The following TMEM132E variants were observed in gnomAD, a reference collection of about 807,000 sequenced individuals.
TMEM132E encodes transmembrane protein 132E.
Under a neutral mutation model 78.5 loss-of-function variants are expected in TMEM132E, and 49 were observed. That is an observed-to-expected ratio of 0.62 (90% CI 0.50 to 0.79). The LOEUF is 0.79. Among genes scored for constraint, TMEM132E ranks in the 30% least tolerant of loss-of-function variants. The probability of loss-of-function intolerance (pLI) is 0.00; values close to 1 mark genes in which losing one functional copy is unlikely to be tolerated. For synonymous variants in TMEM132E, 715 were observed against 670.6 expected (o/e 1.07, Z -1.02); for missense variants, 1,403 against 1,470.9 (o/e 0.95, Z 0.75).
Position 34,626,120 on chromosome 17 carries a change from TC to T in TMEM132E, c.68-3del. 6.6e-7 allele frequency: 1 copy of T among 1,505,420 alleles called. No homozygotes were observed. Among genetic ancestry groups the T allele is most frequent in the Admixed American group, 2.3e-5 (1 of 43,794 alleles). 93.3% of individuals were successfully genotyped at this position (1,505,420 alleles called of 1,614,324 possible). On this transcript the variant is annotated splice_polypyrimidine_tract_variant and splice_region_variant and intron_variant, in intron 1 of 8. Coordinates refer to ENST00000631683, the MANE Select transcript of TMEM132E (RefSeq NM_001304438.2). Reference sequence around the variant, plus strand: ...ACCCTGGGCCTCTTTCCTCTGTCTGTCCCCAGCCTCTGGCCGCTCCCACCCG... The same window carrying T: ...ACCCTGGGCCTCTTTCCTCTGTCTGTCCCAGCCTCTGGCCGCTCCCACCCG...
rs1907250402 is a variant in TMEM132E, at chr17:34,628,916, C to T, written c.1146-96C>T. 11 of 1,440,664 alleles carry T rather than the reference C, an allele frequency of 7.6e-6. No individual in the cohort carries two copies. The East Asian group carries it at 2.6e-4, about 34-fold the overall frequency. 89.2% of individuals were successfully genotyped at this position (1,440,664 alleles called of 1,614,324 possible). A position where few individuals can be genotyped will look rare whatever the true frequency, so the allele number is the denominator to read the frequency against. On this transcript the variant is annotated intron_variant, in intron 3 of 8. Coordinates refer to ENST00000631683, the MANE Select transcript of TMEM132E (RefSeq NM_001304438.2). ...CCCAGAGGGCCCCATCAGGCAGCTG[C>T]CGGGGAGGGGTGGGGTCCCCACTGA...
intron 1 of TMEM132E, among the ~76,000 whole-genome samples, chr17:34,621,840 C>A (rs1906970438): frequency 6.7e-6 from 1 of 149,244 alleles, no homozygotes; most frequent in Non-Finnish European, 1.5e-5. Flanking sequence ...GTGTGTGTGT[C>A]CTCCCAGGTC....
At position 34,626,395 on chromosome 17, in the gene TMEM132E, C is replaced by A. The variant is rs754552346; in HGVS notation, c.336C>A (p.Ser112Arg). 2 of 1,613,262 alleles carry A rather than the reference C, an allele frequency of 1.2e-6. No homozygotes were observed. The highest frequency in any genetic ancestry group is 1.7e-6 in the Non-Finnish European group (2 of 1,179,774). ...VVARELLQPSSTLDIPERLTV... is the reference protein window; with the variant it reads ...VVARELLQPSRTLDIPERLTV... Reference sequence around the variant, plus strand: ...CGCGGGAGCTCCTGCAGCCGTCCAGCACCCTGGACATCCCCGAGCGCCTGA... The same window carrying A: ...CGCGGGAGCTCCTGCAGCCGTCCAGAACCCTGGACATCCCCGAGCGCCTGA... The change falls in exon 2 of 9, where the codon AGC becomes AGA. Residue 112 changes from serine to arginine, a missense_variant. This residue lies in a region of TMEM132E where 511 missense variants were observed against 499.0 expected (regional missense o/e 1.02). Coordinates refer to ENST00000631683, the MANE Select transcript of TMEM132E (RefSeq NM_001304438.2).
Position 34,626,691 on chromosome 17 carries a change from C to T in TMEM132E, c.632C>T (p.Ala211Val). 7.2e-7 allele frequency: 1 copy of T among 1,394,238 alleles called. No homozygotes were observed. Among genetic ancestry groups the T allele is most frequent in the East Asian group, 2.6e-5 (1 of 38,404 alleles). 86.4% of individuals were successfully genotyped at this position (1,394,238 alleles called of 1,614,324 possible). A position where few individuals can be genotyped will look rare whatever the true frequency, so the allele number is the denominator to read the frequency against. ...CCAGCCCCCGCTGCGCCACCCACGG[C>T]CCGCCGCAAGTCCCCGGACGGGCTG... is the stretch of plus-strand genomic sequence containing the variant. ...GPPAPAAPPT[A>V]RRKSPDGLEP... The change falls in exon 2 of 9, where the codon GCC (alanine) becomes GTC (valine). Residue 211 changes from alanine to valine, a missense_variant. Ala to Val is a moderately conservative substitution (Grantham distance 64, BLOSUM62 0). Coordinates refer to ENST00000631683, the MANE Select transcript of TMEM132E (RefSeq NM_001304438.2).
rs1905399289 is a variant in TMEM132E, at chr17:34,579,861, G to A, written c.-1216G>A. On this transcript the variant is annotated 5_prime_UTR_variant, in exon 1 of 9. Transcript: ENST00000631683. ...GCCCGCGTCTCACCGCCCGCAGCCC[G>A]GACTGGCGCGGCGATCCGCTCGCCC... is the stretch of plus-strand genomic sequence containing the variant. 6.6e-6 allele frequency: 1 copy of A among 152,160 alleles called. No individual in the cohort carries two copies. Among genetic ancestry groups the A allele is most frequent in the Non-Finnish European group, 1.5e-5 (1 of 68,026 alleles). The allele number at this position is 152,160 out of a possible 1,614,324, so 9.4% of individuals were successfully genotyped here.
At chr17:34,610,888 C>T (rs1906568916) in intron 1 of TMEM132E, among the ~76,000 whole-genome samples, 1 of 152,094 alleles carries the variant, frequency 6.6e-6, no homozygotes, top group African/African-American at 2.4e-5. Context: ...ATTTTTATAC[C>T]AAATATGGAT....
chr17:34,626,592 G>T lies in TMEM132E; in HGVS notation c.533G>T (p.Ser178Ile). Reference protein sequence around the residue: ...HAFRDAREVKSSCRLSGGLAT... With the variant: ...HAFRDAREVKISCRLSGGLAT... The stretch of plus-strand genomic sequence containing the variant: ...TTCCGGGATGCCCGGGAAGTCAAGA[G>T]CTCCTGCCGCCTCAGCGGGGGCCTG... The change falls in exon 2 of 9, where the codon AGC (serine) becomes ATC (isoleucine). Residue 178 changes from serine (S) to isoleucine (I), a missense_variant. Around this residue, in one of 3 missense-constraint regions of TMEM132E, gnomAD observed 511 missense variants for 499.0 expected, o/e 1.02. Coordinates refer to ENST00000631683, the MANE Select transcript of TMEM132E (RefSeq NM_001304438.2). 1 of 1,547,938 alleles carries T rather than the reference G, an allele frequency of 6.5e-7. No individual in the cohort carries two copies. The highest frequency in any genetic ancestry group is 8.7e-7 in the Non-Finnish European group (1 of 1,152,672).
chr17:34,627,907 G>A (rs1221409228), intron 2 of TMEM132E, among the ~76,000 whole-genome samples: 1 of 152,222 alleles, frequency 6.6e-6, no homozygotes, highest in East Asian at 1.9e-4. Flanking sequence ...ATCTTGGGCT[G>A]CATTAATAGG....
At position 34,638,028 on chromosome 17, in the gene TMEM132E, C is replaced by T; in HGVS notation, c.3021C>T (p.Thr1007=). 6.3e-7 allele frequency: 1 copy of T among 1,577,394 alleles called. No individual in the cohort carries two copies. The change falls in exon 9 of 9, where the codon ACC becomes ACT. Residue 1007 remains threonine, a synonymous_variant. Transcript: ENST00000631683. ...CCGAGGACCCCGCCAGCTCGCCCAC[C>T]TCCAAGCGCAAGCGGGTCAAGTTCA... ...DQAEDPASSP[T]SKRKRVKFTT... is the part of the protein sequence containing the mutation.
intron 1 of TMEM132E, among the ~76,000 whole-genome samples, chr17:34,591,240 C>A (rs1043158381): frequency 2.0e-5 from 3 of 152,006 alleles, no homozygotes; most frequent in Non-Finnish European, 4.4e-5. Context: ...TCCTTACGGT[C>A]CAGTCAGGAG....
Position 34,637,925 on chromosome 17 carries a change from G to A in TMEM132E, c.2918G>A (p.Gly973Asp). The A allele has an allele frequency of 6.2e-7, 1 of 1,605,918 alleles. No homozygotes were observed. ...AFCHGDHHSS[G>D]SSQTSVQSQV... ...TGCCACGGCGACCACCACAGCAGCG[G>A]CAGCTCGCAGACCAGCGTCCAGAGC... The change falls in exon 9 of 9, where the codon GGC becomes GAC. Residue 973 changes from glycine (G) to aspartate (D), a missense_variant. Gly to Asp is a moderately conservative substitution (Grantham distance 94). Around this residue, in one of 3 missense-constraint regions of TMEM132E, gnomAD observed 888 missense variants for 952.8 expected, o/e 0.93. Coordinates refer to ENST00000631683, the MANE Select transcript of TMEM132E (RefSeq NM_001304438.2).
chr17:34,629,865 C>A, intron 4 of TMEM132E, 143 bp from the exon 5 acceptor site: 1 of 977,738 alleles, frequency 1.0e-6, no homozygotes, highest in Non-Finnish European at 1.4e-6. Context: ...TTGCCTATCC[C>A]TGCACACGGG....
At chr17:34,594,138 T>C (rs1268664143) in intron 1 of TMEM132E, among the ~76,000 whole-genome samples, 1 of 152,212 alleles carries the variant, frequency 6.6e-6, no homozygotes, top group African/African-American at 2.4e-5. Flanking sequence ...ATGTGTTCCA[T>C]TGGAATGGAA....
intron 4 of TMEM132E, among the ~76,000 whole-genome samples, chr17:34,629,772 G>A (rs368445576): frequency 1.1e-4 from 16 of 152,208 alleles, no homozygotes; most frequent in East Asian, 5.8e-4. Context: ...GTTGTTTCCC[G>A]GCAGCACAGT....
At chr17:34,634,361 G>A (rs1907447506) in intron 6 of TMEM132E, among the ~76,000 whole-genome samples, 1 of 152,186 alleles carries the variant, frequency 6.6e-6, no homozygotes, top group Non-Finnish European at 1.5e-5. Context: ...TTAAATGTCC[G>A]AGTTCATCAC....
intron 1 of TMEM132E, among the ~76,000 whole-genome samples, chr17:34,609,566 T>C (rs946049495): frequency 1.3e-5 from 2 of 152,192 alleles, no homozygotes; most frequent in African/African-American, 2.4e-5. Flanking sequence ...CTGCCTCCCC[T>C]GCCTTTGCCC....
chr17:34,628,244 G>A lies in TMEM132E; in HGVS notation c.999-319G>A, dbSNP rs1907223792. On this transcript the variant is annotated intron_variant, in intron 2 of 8. Transcript: ENST00000631683. ...AGGGAAGATCTTTCTAGTTTTCTTGGTCTTTCTGAAAATGGAATGGGATGT... is the reference window on the plus strand; with the variant it reads ...AGGGAAGATCTTTCTAGTTTTCTTGATCTTTCTGAAAATGGAATGGGATGT... 2.6e-5 allele frequency among the ~76,000 whole-genome samples: 4 copies of A among 152,166 alleles called. No homozygotes were observed. The South Asian group carries it at 8.3e-4, about 32-fold the overall frequency.
chr17:34,620,774 G>A (rs1163951290), intron 1 of TMEM132E, among the ~76,000 whole-genome samples: 5 of 152,232 alleles, frequency 3.3e-5, no homozygotes, highest in Non-Finnish European at 1.5e-5. Flanking sequence ...TGGTGGCCGT[G>A]AGAGGTATCA....
intron 1 of TMEM132E, among the ~76,000 whole-genome samples, chr17:34,617,197 TC>T (rs1168190244): frequency 1.3e-5 from 2 of 152,126 alleles, no homozygotes; most frequent in African/African-American, 4.8e-5. Flanking sequence ...TATCCTCTTC[TC>T]CCAAAGAAAG....
Sources: allele counts gnomAD v4.1 joint callset (sites outside exome capture counted in the v4.1 genomes callset), GRCh38; gene constraint gnomAD v4.1.1; regional missense constraint gnomAD v4.1.1; transcripts MANE v1.5; gene names NCBI Gene and HGNC (gene_info 2026-07-23, HGNC 2026-07-21).